THADA: variants seen among roughly 807,000 people sequenced by gnomAD.
THADA encodes tRNA (32-2'-O)-methyltransferase regulator THADA.
Under a neutral mutation model 219.8 loss-of-function variants are expected in THADA, and 213 were observed. The observed-to-expected ratio is 0.97, with a 90% confidence interval of 0.87 to 1.09. THADA has a LOEUF of 1.09. Among genes scored for constraint, THADA ranks in the 50% least tolerant of loss-of-function variants. The probability of loss-of-function intolerance (pLI) is 0.00; values close to 1 mark genes in which losing one functional copy is unlikely to be tolerated. For missense variants in THADA, 2,956 were observed against 2,311.3 expected (o/e 1.28, Z -5.72); for synonymous variants, 1,018 against 828.9 (o/e 1.23, Z -3.92).
At chr2:43,434,677 G>A (rs145961386) in intron 26 of THADA, among the ~76,000 whole-genome samples, 72 of 152,252 alleles carry the variant, frequency 4.7e-4, no homozygotes, top group African/African-American at 1.5e-3. Context: ...CAAATCCAGC[G>A]GAAAACCATC....
chr2:43,575,583 C>A (rs1018044133), intron 10 of THADA, among the ~76,000 whole-genome samples: 2 of 152,210 alleles, frequency 1.3e-5, no homozygotes, highest in Non-Finnish European at 2.9e-5. Flanking sequence ...GTCACCCAGG[C>A]TGGAGTGCAG....
rs555747851 is a variant in THADA, at chr2:43,344,758, GGTTTTTTTT to G, written c.4228-530_4228-522del. 4.7e-4 allele frequency among the ~76,000 whole-genome samples: 71 copies of G among 150,548 alleles called. 1 individual carries two copies. The highest frequency in any genetic ancestry group is 1.7e-3 in the African/African-American group (70 of 40,390). On this transcript the variant is annotated intron_variant, in intron 29 of 37. Transcript: ENST00000405975. ...GGCAGTGATGTTTGTAACTATTTAG[GGTTTTTTTT>G]GTTTTTTTTTTTTAGCAGATCTTCC...
At chr2:43,512,813 T>G (rs2105111974) in intron 22 of THADA, among the ~76,000 whole-genome samples, 1 of 152,336 alleles carries the variant, frequency 6.6e-6, no homozygotes, top group South Asian at 2.1e-4. Flanking sequence ...CAAGTTTTAT[T>G]TAAACTATCA....
rs377541308 is a variant in THADA at position 43,266,685 on chromosome 2, G to A, written c.5296+13080C>T. 3.3e-5 allele frequency among the ~76,000 whole-genome samples: 5 copies of A among 152,296 alleles called. No homozygotes were observed. The East Asian group carries it at 7.7e-4, about 23-fold the overall frequency. ...TTAAAAAGCTTAGTGTGGGTGAAAG[G>A]AGGAGTCTCCTAAAGAATGAGCAAT... On this transcript the variant is annotated intron_variant, in intron 36 of 37. Transcript: ENST00000405975.
chr2:43,544,351 A>C (rs371386653), intron 20 of THADA, among the ~76,000 whole-genome samples: 1 of 152,150 alleles, frequency 6.6e-6, no homozygotes. Context: ...TTGACTTGGC[A>C]ATGCGGGCTC....
At chr2:43,321,661 A>G (rs1678731809) in intron 30 of THADA, among the ~76,000 whole-genome samples, 1 of 152,222 alleles carries the variant, frequency 6.6e-6, no homozygotes, top group Non-Finnish European at 1.5e-5. Flanking sequence ...TGCCAGTGCC[A>G]TCTGTTACAA....
intron 26 of THADA, among the ~76,000 whole-genome samples, chr2:43,431,704 G>A (rs1267942722): frequency 5.0e-4 from 25 of 49,774 alleles, no homozygotes; most frequent in African/African-American, 1.9e-3. Context: ...TCGCTCTGTC[G>A]CCCAGGCTGG....
intron 22 of THADA, among the ~76,000 whole-genome samples, chr2:43,522,841 C>A (rs1434715772): frequency 6.6e-6 from 1 of 152,010 alleles, no homozygotes; most frequent in African/African-American, 2.4e-5. Flanking sequence ...AAGGATTTTT[C>A]TCTCTATAAA....
intron 31 of THADA, among the ~76,000 whole-genome samples, chr2:43,298,950 C>T (rs1675924821): frequency 6.6e-6 from 1 of 152,140 alleles, no homozygotes; most frequent in Admixed American, 6.5e-5. Context: ...AATCTGAAAT[C>T]CAAAATGCTC....
At position 43,514,756 on chromosome 2, in the gene THADA, T is replaced by TATA. The variant is rs567554908; in HGVS notation, c.3375-5979_3375-5977dup. 2.2e-3 allele frequency among the ~76,000 whole-genome samples: 157 copies of TATA among 71,414 alleles called. 20 individuals are homozygous for TATA. Among genetic ancestry groups the TATA allele is most frequent in the South Asian group, 7.8e-3 (18 of 2,306 alleles). The allele number at this position is 71,414 out of a possible 152,430, so 46.9% of individuals were successfully genotyped here. On this transcript the variant is annotated intron_variant, in intron 22 of 37. Transcript: ENST00000405975. ...TATGTATAATATATAATATTTTATA[T>TATA]ATAATATGTATAATATATATTTTAT...
intron 26 of THADA, among the ~76,000 whole-genome samples, chr2:43,445,412 T>C (rs1681393510): frequency 6.6e-6 from 1 of 152,166 alleles, no homozygotes; most frequent in African/African-American, 2.4e-5. Flanking sequence ...GACACTAGCT[T>C]TTCTCCCTAG....
At position 43,574,426 on chromosome 2, in the gene THADA, C is replaced by G. The variant is rs1699624196; in HGVS notation, c.1639G>C (p.Asp547His). Residue 547 changes from aspartate to histidine, a missense_variant, in exon 11 of 38, where the codon GAT becomes CAT. By Grantham distance (81) the Asp-to-His change is moderately conservative. Transcript: ENST00000405975. The part of the protein sequence containing the change: ...GNLDQKSYVI[D>H]YYLPKLLSYS... The stretch of plus-strand genomic sequence containing the variant: ...CTTAATAATTTTGGCAAGTAATAAT[C>G]AATCACGTAAGATTTTTGATCCAAG... The G allele has an allele frequency of 6.2e-7, 1 of 1,611,262 alleles. No individual in the cohort carries two copies. The highest frequency in any genetic ancestry group is 1.3e-5 in the African/African-American group (1 of 74,906).
intron 4 of THADA, among the ~76,000 whole-genome samples, chr2:43,588,690 C>G (rs12052942): frequency 7.9e-5 from 12 of 151,722 alleles, no homozygotes; most frequent in African/African-American, 2.9e-4. Flanking sequence ...TGATAGTATC[C>G]AATGTTGGAA....
intron 30 of THADA, among the ~76,000 whole-genome samples, chr2:43,338,559 G>C: frequency 6.6e-6 from 1 of 152,042 alleles, no homozygotes; most frequent in East Asian, 1.9e-4. Flanking sequence ...TCTACTTTCT[G>C]TCTCTAGGTC....
intron 36 of THADA, among the ~76,000 whole-genome samples, chr2:43,265,279 G>A (rs546908765): frequency 2.0e-5 from 3 of 152,146 alleles, no homozygotes; most frequent in African/African-American, 4.8e-5. Context: ...CGTGGGTGCC[G>A]AGCCAACATT....
intron 4 of THADA, among the ~76,000 whole-genome samples, chr2:43,588,031 A>C (rs1451516467): frequency 6.6e-6 from 1 of 152,206 alleles, no homozygotes; most frequent in African/African-American, 2.4e-5. Flanking sequence ...CTTAACACTG[A>C]CATATAATTA....
At chr2:43,306,955 C>G (rs1394051853) in intron 31 of THADA, among the ~76,000 whole-genome samples, 1 of 152,072 alleles carries the variant, frequency 6.6e-6, no homozygotes, top group Non-Finnish European at 1.5e-5. Flanking sequence ...GACATTTATC[C>G]CAATCCTCTG....
At chr2:43,415,975 G>C (rs1676921070) in intron 28 of THADA, among the ~76,000 whole-genome samples, 1 of 151,866 alleles carries the variant, frequency 6.6e-6, no homozygotes, top group Non-Finnish European at 1.5e-5. Context: ...AAGGGTGGGG[G>C]GATAATAAAT....
intron 20 of THADA, among the ~76,000 whole-genome samples, chr2:43,547,218 A>G (rs952421946): frequency 1.7e-4 from 26 of 152,310 alleles, no homozygotes; most frequent in Non-Finnish European, 2.9e-4. Context: ...CTTCTGGCTT[A>G]TAGAGTTTCT....
Sources: allele counts gnomAD v4.1 joint callset (sites outside exome capture counted in the v4.1 genomes callset), GRCh38; gene constraint gnomAD v4.1.1; transcripts MANE v1.5; gene names NCBI Gene and HGNC (gene_info 2026-07-23, HGNC 2026-07-21).